The following CTPS2 variants were observed in gnomAD, a reference collection of about 807,000 sequenced individuals.
CTPS2 encodes the protein CTP synthase 2, also known as CTP synthase II.
Under a neutral mutation model 46.8 loss-of-function variants are expected in CTPS2, and 19 were observed. That is an observed-to-expected ratio of 0.41 (90% CI 0.28 to 0.60). The LOEUF (loss-of-function observed/expected upper bound fraction) is 0.60. Ranked by LOEUF, CTPS2 falls within the 20% of genes least tolerant of loss-of-function variation. The pLI is 0.35. For synonymous variants in CTPS2, 151 were observed against 165.2 expected (o/e 0.91, Z 0.66); for missense variants, 286 against 447.6 (o/e 0.64, Z 3.26).
intron 18 of CTPS2, 104 bp from the exon 19 acceptor site, chrX:16,589,879 G>A (rs896813502): frequency 8.9e-6 from 1 of 112,409 alleles, no homozygotes; most frequent in Non-Finnish European, 1.9e-5. Flanking sequence ...TGCTCCAAAG[G>A]GTCTCCATGT....
chrX:16,672,899 T>G (rs1192501586), intron 10 of CTPS2, among the ~76,000 whole-genome samples: 1 of 96,713 alleles, frequency 1.0e-5, no homozygotes, highest in Non-Finnish European at 2.1e-5. Context: ...TTTTTTTTTT[T>G]TTTTTGAGAC....
intron 10 of CTPS2, among the ~76,000 whole-genome samples, chrX:16,673,210 A>G (rs1374190832): frequency 9.0e-6 from 1 of 111,308 alleles, no homozygotes; most frequent in Non-Finnish European, 1.9e-5. Context: ...GCTACAGTGA[A>G]TCTGGTGTGC....
intron 2 of CTPS2, among the ~76,000 whole-genome samples, chrX:16,699,888 AG>A (rs1220990461): frequency 9.1e-6 from 1 of 110,357 alleles, no homozygotes; most frequent in African/African-American, 3.3e-5. Flanking sequence ...ATTAATTTTA[AG>A]GAAAAAAGCA....
chrX:16,620,224 G>T, intron 15 of CTPS2, 53 bp downstream of exon 15: 2 of 987,480 alleles, frequency 2.0e-6, no homozygotes, highest in Non-Finnish European at 2.9e-6. Flanking sequence ...TAATCACTGG[G>T]TTCCTCACAC....
chrX:16,653,934 G>T (rs1337196950), intron 13 of CTPS2, among the ~76,000 whole-genome samples: 1 of 110,870 alleles, frequency 9.0e-6, no homozygotes, highest in Admixed American at 9.7e-5. Context: ...TGGTCGGAAG[G>T]ATTACAGAAG....
chrX:16,675,176 G>C (rs1469811126), intron 10 of CTPS2, among the ~76,000 whole-genome samples: 1 of 109,133 alleles, frequency 9.2e-6, no homozygotes, highest in Non-Finnish European at 1.9e-5. Context: ...GATGGAGCAG[G>C]AGAATTGCTT....
intron 14 of CTPS2, among the ~76,000 whole-genome samples, chrX:16,624,144 T>C (rs73448279): frequency 0.098 from 10,877 of 110,547 alleles, 937 homozygotes; most frequent in African/African-American, 0.28. Flanking sequence ...TACTCAATAA[T>C]GAATTGTTGA....
At chrX:16,608,497 G>A (rs1229050761) in intron 17 of CTPS2, among the ~76,000 whole-genome samples, 2 of 111,236 alleles carry the variant, frequency 1.8e-5, no homozygotes, top group African/African-American at 6.6e-5. Context: ...GGGAGACTGA[G>A]GCAGGAGGAT....
intron 16 of CTPS2, among the ~76,000 whole-genome samples, chrX:16,612,722 G>A (rs995093176): frequency 1.5e-4 from 17 of 111,828 alleles, no homozygotes; most frequent in African/African-American, 5.5e-4. Flanking sequence ...TAGGTAGAAC[G>A]TGAAAACAAG....
intron 14 of CTPS2, among the ~76,000 whole-genome samples, chrX:16,630,897 C>T (rs1931430294): frequency 8.8e-6 from 1 of 113,071 alleles, no homozygotes; most frequent in South Asian, 3.5e-4. Flanking sequence ...CTCATTCACT[C>T]ACATATTTGT....
At chrX:16,640,889 C>T (rs772498987) in intron 13 of CTPS2, among the ~76,000 whole-genome samples, 3 of 111,546 alleles carry the variant, frequency 2.7e-5, no homozygotes, top group Non-Finnish European at 5.6e-5. Flanking sequence ...TTATCAGTGC[C>T]CCAGAACTTT....
At chrX:16,683,044 G>A (rs778724663) in intron 9 of CTPS2, 50 bp downstream of exon 9, 1 of 1,196,041 alleles carries the variant, frequency 8.4e-7, no homozygotes, top group East Asian at 3.0e-5. Context: ...TGGAACATGT[G>A]CTATTGGCAT....
At chrX:16,658,507 C>G (rs1932872314) in intron 13 of CTPS2, among the ~76,000 whole-genome samples, 2 of 111,971 alleles carry the variant, frequency 1.8e-5, no homozygotes, top group African/African-American at 6.5e-5. Flanking sequence ...GTAATGAGTA[C>G]CTATTCATAT....
intron 4 of CTPS2, among the ~76,000 whole-genome samples, chrX:16,697,421 T>C (rs906633816): frequency 7.2e-5 from 7 of 97,798 alleles, no homozygotes; most frequent in African/African-American, 2.7e-4. Context: ...AAGTGGCAAG[T>C]TCAAATACGA....
intron 15 of CTPS2, among the ~76,000 whole-genome samples, chrX:16,619,810 C>T (rs1930723643): frequency 9.0e-6 from 1 of 111,620 alleles, no homozygotes; most frequent in South Asian, 3.8e-4. Context: ...AAGCCTCAAG[C>T]TTAATGTAAA....
intron 17 of CTPS2, among the ~76,000 whole-genome samples, chrX:16,597,838 C>G (rs1227720157): frequency 9.2e-6 from 1 of 109,049 alleles, no homozygotes; most frequent in Non-Finnish European, 1.9e-5. Context: ...ATGGAATGTT[C>G]TTCCATTTGT....
At chrX:16,644,620 C>T (rs903556449) in intron 13 of CTPS2, among the ~76,000 whole-genome samples, 2 of 111,556 alleles carry the variant, frequency 1.8e-5, no homozygotes, top group Admixed American at 9.5e-5. Context: ...GGAGGATGGC[C>T]GTGGGCAAGT....
chrX:16,675,870 T>C (rs1322208752), intron 10 of CTPS2, among the ~76,000 whole-genome samples: 1 of 112,243 alleles, frequency 8.9e-6, no homozygotes, highest in Non-Finnish European at 1.9e-5. Context: ...GTTAGCTCCA[T>C]GGAATGAACT....
intron 17 of CTPS2, among the ~76,000 whole-genome samples, chrX:16,597,232 C>T (rs1929337281): frequency 8.9e-6 from 1 of 111,742 alleles, no homozygotes; most frequent in African/African-American, 3.3e-5. Flanking sequence ...CTTTTGTTGC[C>T]ATTGCTTTCG....
Sources: allele counts gnomAD v4.1 joint callset (sites outside exome capture counted in the v4.1 genomes callset), GRCh38; gene constraint gnomAD v4.1.1; transcripts MANE v1.5; gene names NCBI Gene and HGNC (gene_info 2026-07-23, HGNC 2026-07-21).